The following CLN6 variants were observed in gnomAD, a reference collection of about 807,000 sequenced individuals.
CLN6 encodes the protein ceroid-lipofuscinosis neuronal protein 6.
In CLN6, 22 loss-of-function variants were observed where a neutral mutation model predicts 33.3. The observed-to-expected ratio is 0.66, with a 90% confidence interval of 0.47 to 0.94. CLN6 has a LOEUF of 0.94. Ranked by LOEUF, CLN6 falls within the 40% of genes least tolerant of loss-of-function variation. The pLI, the probability that CLN6 is intolerant of heterozygous loss-of-function variation, is 0.00. For missense variants in CLN6, 387 were observed against 417.1 expected, an observed-to-expected ratio of 0.93 and a Z score of 0.63; for synonymous variants, 201 against 174.6, an observed-to-expected ratio of 1.15 and a Z score of -1.19.
At chr15:68,214,991 C>CCCCACCTTG (rs1236736585) in intron 2 of CLN6, 1 of 158,234 alleles carries the variant, frequency 6.3e-6, no homozygotes, top group Admixed American at 6.0e-5. Context: ...ACTCTTCCTT[C>CCCCACCTTG]CCAGAGAGAG....
At chr15:68,231,507 A>G (rs2093268599), upstream of CLN6, among the ~76,000 whole-genome samples, 1 of 152,228 alleles carries the variant, frequency 6.6e-6, no homozygotes, top group Admixed American at 6.5e-5. Flanking sequence ...ACCAGAGAAG[A>G]AGGATTGAGG....
At position 68,211,288 on chromosome 15, in the gene CLN6, C is replaced by T; in HGVS notation, c.517G>A (p.Asp173Asn). The T allele has an allele frequency of 1.2e-6, 2 of 1,614,028 alleles. No individual in the cohort carries two copies. Among genetic ancestry groups the T allele is most frequent in the Non-Finnish European group, 1.7e-6 (2 of 1,180,006 alleles). ...IDSFELLYYY[D>N]EYLGHCMWYI... is the part of the protein sequence containing the mutation. ...CACATGCAGTGACCCAGGTACTCAT[C>T]ATAATAGTAGAGCAGCTCAAAGGAG... is the stretch of plus-strand genomic sequence containing the variant. The change falls in exon 5 of 7, where the codon GAT (aspartate) becomes AAT (asparagine). Residue 173 changes from aspartate (D) to asparagine (N), a missense_variant. Physicochemically the swap from Asp to Asn is conservative, Grantham distance 23. Coordinates refer to ENST00000249806, the MANE Select transcript of CLN6 (RefSeq NM_017882.3). The surrounding 1 kb of genome is among the most constrained non-coding windows in gnomAD (Gnocchi z 5.9).
rs1567106336 is a variant in CLN6 at position 68,249,905 on chromosome 15, T to A, written c.179+6785A>T. Reference sequence around the variant, plus strand: ...CTCCTGTCTCAGCCTCCCGAGTAGCTGGGATTACAGGTGCGAACCATCAGG... The same window carrying A: ...CTCCTGTCTCAGCCTCCCGAGTAGCAGGGATTACAGGTGCGAACCATCAGG... On this transcript the variant is annotated intron_variant, in intron 1 of 6. Transcript: ENST00000538696. 2.0e-5 allele frequency among the ~76,000 whole-genome samples: 3 copies of A among 152,254 alleles called. No homozygotes were observed. The South Asian group carries it at 6.2e-4, about 32-fold the overall frequency.
At position 68,228,251 on chromosome 15, in the gene CLN6, G is replaced by A. The variant is rs1255092046; in HGVS notation, c.83+1251C>T. 1.3e-5 allele frequency among the ~76,000 whole-genome samples: 2 copies of A among 152,164 alleles called. No individual in the cohort carries two copies. Among genetic ancestry groups the A allele is most frequent in the East Asian group, 1.9e-4 (1 of 5,196 alleles). ...AGCCATCCCTCACCTCAGCCCAAGC[G>A]CTCAGACTTCTCCCTTCATCCAGGT... On this transcript the variant is annotated intron_variant, in intron 1 of 6. Coordinates refer to ENST00000249806, the MANE Select transcript of CLN6 (RefSeq NM_017882.3). This position sits in a 1 kb window ranked among gnomAD's most constrained non-coding sequence, Gnocchi z 4.4.
At chr15:68,216,269 G>C (rs2093220420) in intron 2 of CLN6, among the ~76,000 whole-genome samples, 1 of 152,142 alleles carries the variant, frequency 6.6e-6, no homozygotes, top group African/African-American at 2.4e-5. Context: ...CCAGTATGTG[G>C]TTCCTTCATG....
At position 68,214,374 on chromosome 15, in the gene CLN6, G is replaced by T. The variant is rs146980624; in HGVS notation, c.213C>A (p.Leu71=). 9.3e-6 allele frequency: 15 copies of T among 1,612,802 alleles called. No homozygotes were observed. Among genetic ancestry groups the T allele is most frequent in the South Asian group, 4.4e-5 (4 of 91,050 alleles). ...TGGGCTTGTTGAGTGGAAACCACTCGAGAGGGAATACCAGCTGCGGAGCAA... is the reference window on the plus strand; with the variant it reads ...TGGGCTTGTTGAGTGGAAACCACTCTAGAGGGAATACCAGCTGCGGAGCAA... ...GRPIAMLVFP[L]EWFPLNKPSV... Residue 71 remains leucine, a synonymous_variant, in exon 3 of 7, where the codon CTC becomes CTA. Coordinates refer to ENST00000249806, the MANE Select transcript of CLN6 (RefSeq NM_017882.3).
At chr15:68,233,043 A>AAAAT (rs547945110), upstream of CLN6, among the ~76,000 whole-genome samples, 52 of 152,262 alleles carry the variant, frequency 3.4e-4, no homozygotes, top group South Asian at 1.0e-3. The surrounding 1 kb of genome is among the most constrained non-coding windows in gnomAD (Gnocchi z 4.3). Flanking sequence ...GCTCAGTCTC[A>AAAAT]AAATAAATAA....
At position 68,210,588 on chromosome 15, in the gene CLN6, G is replaced by A. The variant is rs962834573; in HGVS notation, c.542+675C>T. Among the ~76,000 whole-genome samples the A allele has an allele frequency of 2.0e-5, 3 of 152,262 alleles. No individual in the cohort carries two copies. Among genetic ancestry groups the A allele is most frequent in the Admixed American group, 6.5e-5 (1 of 15,304 alleles). ...CCCTCACCTCCCAGCTGCAGCCTTC[G>A]GAGCCCTCCTCCCTCTGGCCTCAGT... On this transcript the variant is annotated intron_variant, in intron 5 of 6. Coordinates refer to ENST00000249806, the MANE Select transcript of CLN6 (RefSeq NM_017882.3). The surrounding 1 kb of genome is among the most constrained non-coding windows in gnomAD (Gnocchi z 5.6).
At chr15:68,216,025 T>G (rs374471665) in intron 2 of CLN6, among the ~76,000 whole-genome samples, 1 of 152,234 alleles carries the variant, frequency 6.6e-6, no homozygotes, top group Non-Finnish European at 1.5e-5. Context: ...TATGCATACA[T>G]TTGAAAATCT....
At position 68,236,747 on chromosome 15, in the gene CLN6, T is replaced by C. The variant is rs1892222208; in HGVS notation, c.180-18097A>G. 1.3e-5 allele frequency among the ~76,000 whole-genome samples: 2 copies of C among 152,268 alleles called. No individual in the cohort carries two copies. The highest frequency in any genetic ancestry group is 2.9e-5 in the Non-Finnish European group (2 of 68,038). ...GGTGAATTTTATGACAAGTGAATTT[T>C]ATCTCAATAAAGCTATTATTTAAGA... On this transcript the variant is annotated intron_variant, in intron 1 of 6. Coordinates refer to the CLN6 transcript ENST00000538696. The surrounding 1 kb of genome is among the most constrained non-coding windows in gnomAD (Gnocchi z 4.5).
At chr15:68,250,968 C>T (rs887686789) in intron 1 of CLN6, among the ~76,000 whole-genome samples, 1 of 152,120 alleles carries the variant, frequency 6.6e-6, no homozygotes, top group Non-Finnish European at 1.5e-5. Context: ...TAAAACTAAT[C>T]AAGGACTGTA....
chr15:68,212,911 G>A (rs2093210227), intron 3 of CLN6: 1 of 152,160 alleles, frequency 6.6e-6, no homozygotes, highest in African/African-American at 2.4e-5. Flanking sequence ...TTTGTGTTAA[G>A]TACATATGTG....
intron 2 of CLN6, 171 bp from the exon 3 acceptor site, chr15:68,214,559 A>C (rs1345749745): frequency 1.3e-5 from 8 of 622,386 alleles, no homozygotes; most frequent in Non-Finnish European, 2.4e-5. Flanking sequence ...GCCTTGGGAC[A>C]AAGGTTTATC....
At chr15:68,215,695 C>T (rs1215451959) in intron 2 of CLN6, 1 of 152,166 alleles carries the variant, frequency 6.6e-6, no homozygotes, top group Non-Finnish European at 1.5e-5. Flanking sequence ...TGGCCTCAGG[C>T]AATCCTCCTG....
rs146281369 is a variant in CLN6 at position 68,220,833 on chromosome 15, GTTTT to G, written c.84-2187_84-2184del. 6.6e-6 allele frequency among the ~76,000 whole-genome samples: 1 copy of G among 152,030 alleles called. No homozygotes were observed. The highest frequency in any genetic ancestry group is 2.1e-4 in the South Asian group (1 of 4,830). On this transcript the variant is annotated intron_variant, in intron 1 of 6. Transcript: ENST00000249806. This position sits in a 1 kb window ranked among gnomAD's most constrained non-coding sequence, Gnocchi z 4.2. ...TGTGCTCTTAATAGCTTGCTATTCT[GTTTT>G]TTTGTTTTGTTTTTTGGAGACAGGG...
rs1595817742 is a variant in CLN6 at position 68,210,826 on chromosome 15, A to G, written c.542+437T>C. ...CAGCTGGCTCCCCGCAGCTTCCTCC[A>G]CTCCCAAAGAGCAGGCCCGACACGG... On this transcript the variant is annotated intron_variant, in intron 5 of 6. Coordinates refer to ENST00000249806, the MANE Select transcript of CLN6 (RefSeq NM_017882.3). The surrounding 1 kb of genome is among the most constrained non-coding windows in gnomAD (Gnocchi z 5.6). Among the ~76,000 whole-genome samples the G allele has an allele frequency of 6.6e-6, 1 of 151,786 alleles. No individual in the cohort carries two copies. The highest frequency in any genetic ancestry group is 1.5e-5 in the Non-Finnish European group (1 of 67,928).
chr15:68,208,869 G>A lies in CLN6; in HGVS notation c.666-459C>T, dbSNP rs1269769540. On this transcript the variant is annotated intron_variant, in intron 6 of 6. Coordinates refer to ENST00000249806, the MANE Select transcript of CLN6 (RefSeq NM_017882.3). This position sits in a 1 kb window ranked among gnomAD's most constrained non-coding sequence, Gnocchi z 5.8. ...TTTAATCCCCAGAGAGCATACAGAT[G>A]AGCCCCAGTGGGCCATCTCAGCCAC... is the stretch of plus-strand genomic sequence containing the variant. Among the ~76,000 whole-genome samples, 1 of 152,206 alleles carries A rather than the reference G, an allele frequency of 6.6e-6. No homozygotes were observed. Among genetic ancestry groups the A allele is most frequent in the Non-Finnish European group, 1.5e-5 (1 of 68,038 alleles).
Position 68,209,338 on chromosome 15 carries a change from G to A in CLN6, c.665+299C>T, listed in dbSNP as rs1184670233. ...CGGAGGTGGATTGTACCGGCCCCAGGGCAACACTGGGGTTCTTGAGATGGG... is the reference window on the plus strand; with the variant it reads ...CGGAGGTGGATTGTACCGGCCCCAGAGCAACACTGGGGTTCTTGAGATGGG... On this transcript the variant is annotated intron_variant, in intron 6 of 6. Transcript: ENST00000249806. The surrounding 1 kb of genome is among the most constrained non-coding windows in gnomAD (Gnocchi z 4.9). Among the ~76,000 whole-genome samples, 1 of 152,196 alleles carries A rather than the reference G, an allele frequency of 6.6e-6. No homozygotes were observed. Among genetic ancestry groups the A allele is most frequent in the Admixed American group, 6.5e-5 (1 of 15,280 alleles).
At chr15:68,250,691 G>C (rs534272395) in intron 1 of CLN6, among the ~76,000 whole-genome samples, 12 of 151,530 alleles carry the variant, frequency 7.9e-5, no homozygotes, top group Admixed American at 1.3e-4. Context: ...GATTTTCATG[G>C]AGCAAATGAT....
Sources: allele counts gnomAD v4.1 joint callset (sites outside exome capture counted in the v4.1 genomes callset), GRCh38; gene constraint gnomAD v4.1.1; non-coding constraint Gnocchi (gnomAD v3.1); transcripts MANE v1.5; gene names NCBI Gene and HGNC (gene_info 2026-07-23, HGNC 2026-07-21).